Variants in SYTL2 observed in about 807,000 individuals in gnomAD.
SYTL2 encodes the protein synaptotagmin like 2.
SYTL2 carries 165 observed loss-of-function variants against 198.7 expected under a neutral mutation model. That is an observed-to-expected ratio of 0.83 (90% CI 0.73 to 0.94). The LOEUF is 0.94. Among genes scored for constraint, SYTL2 ranks in the 40% least tolerant of loss-of-function variants. SYTL2 has a pLI of 0.00. For synonymous variants in SYTL2, 966 were observed against 917.7 expected (o/e 1.05, Z -0.95); for missense variants, 2,835 against 2,582.8 (o/e 1.10, Z -2.12).
chr11:85,807,968 T>G lies in SYTL2; in HGVS notation c.-390+2986A>C, dbSNP rs141731512. ...AAAAGGGCTGTATTTGTGTGTGTGT[T>G]TTTAAAATTTGTTAATATAGATGCA... On this transcript the variant is annotated intron_variant, in intron 1 of 19. Coordinates refer to ENST00000359152, the MANE Select transcript of SYTL2 (RefSeq NM_206927.4). Among the ~76,000 whole-genome samples the G allele has an allele frequency of 9.7e-4, 147 of 152,314 alleles. 3 individuals are homozygous for G. The East Asian group carries it at 0.021, about 21-fold the overall frequency.
intron 1 of SYTL2, among the ~76,000 whole-genome samples, chr11:85,760,623 G>A (rs929071200): frequency 3.9e-5 from 6 of 152,104 alleles, no homozygotes; most frequent in Non-Finnish European, 7.3e-5. Flanking sequence ...TGGTTGGTTC[G>A]ATGTGAGACT....
chr11:85,712,866 G>A (rs1182614989), intron 12 of SYTL2, among the ~76,000 whole-genome samples: 1 of 152,040 alleles, frequency 6.6e-6, no homozygotes, highest in Non-Finnish European at 1.5e-5. Flanking sequence ...ATAGACATGA[G>A]CCACCATGCC....
chr11:85,779,603 T>A (rs1352030721), intron 1 of SYTL2, among the ~76,000 whole-genome samples: 4 of 151,346 alleles, frequency 2.6e-5, no homozygotes, highest in South Asian at 2.1e-4. Context: ...TTTCAAAAGC[T>A]ATAAACATAT....
chr11:85,833,923 G>C, the SYTL2 span, among the ~76,000 whole-genome samples: 3 of 151,962 alleles, frequency 2.0e-5, no homozygotes, highest in East Asian at 3.9e-4. Flanking sequence ...ATTTTTAGTA[G>C]AGACGGGGTT....
the SYTL2 span, among the ~76,000 whole-genome samples, chr11:85,848,772 T>A: frequency 5.3e-5 from 8 of 152,238 alleles, no homozygotes; most frequent in Admixed American, 2.0e-4. Context: ...AATCATATAG[T>A]CCAGGTTCCT....
At chr11:85,797,936 C>G (rs1331747065) in intron 1 of SYTL2, among the ~76,000 whole-genome samples, 2 of 152,044 alleles carry the variant, frequency 1.3e-5, no homozygotes, top group Non-Finnish European at 2.9e-5. Flanking sequence ...TCACTGCAAC[C>G]TTTACCTCCC....
the SYTL2 span, among the ~76,000 whole-genome samples, chr11:85,827,310 T>C: frequency 6.6e-6 from 1 of 152,172 alleles, no homozygotes; most frequent in Non-Finnish European, 1.5e-5. Context: ...TGGGAAGCAC[T>C]GCTCTGCACC....
At chr11:85,752,594 G>C (rs2091577957) in intron 2 of SYTL2, among the ~76,000 whole-genome samples, 1 of 152,046 alleles carries the variant, frequency 6.6e-6, no homozygotes, top group South Asian at 2.1e-4. Context: ...CCTTAGAGTA[G>C]AAAACAAGAA....
chr11:85,850,296 T>C, the SYTL2 span, among the ~76,000 whole-genome samples: 1 of 151,974 alleles, frequency 6.6e-6, no homozygotes, highest in East Asian at 1.9e-4. Context: ...TCCTGCCTAA[T>C]TGCCCTGGCC....
At chr11:85,762,042 G>C (rs1265063591) in intron 1 of SYTL2, among the ~76,000 whole-genome samples, 1 of 152,198 alleles carries the variant, frequency 6.6e-6, no homozygotes, top group Non-Finnish European at 1.5e-5. Flanking sequence ...ATGTCTGACT[G>C]GCATTTGCTG....
At chr11:85,791,973 A>T (rs2092737024) in intron 1 of SYTL2, among the ~76,000 whole-genome samples, 1 of 152,144 alleles carries the variant, frequency 6.6e-6, no homozygotes, top group Admixed American at 6.5e-5. Flanking sequence ...TGATGAGCTG[A>T]CCATCTAGCT....
intron 2 of SYTL2, among the ~76,000 whole-genome samples, chr11:85,750,575 C>T (rs1234400101): frequency 6.6e-6 from 1 of 152,204 alleles, no homozygotes; most frequent in Non-Finnish European, 1.5e-5. Flanking sequence ...GTGGTCTTTG[C>T]AAACTCCTTG....
At chr11:85,849,608 G>T in the SYTL2 span, among the ~76,000 whole-genome samples, 26,344 of 149,538 alleles carry the variant, frequency 0.18, 2,491 homozygotes, top group African/African-American at 0.21. Flanking sequence ...GATATGCGGC[G>T]TTATTTCTGA....
intron 1 of SYTL2, among the ~76,000 whole-genome samples, chr11:85,790,188 G>A (rs1423919407): frequency 6.6e-6 from 1 of 151,974 alleles, no homozygotes. Flanking sequence ...TGCCAGGTGT[G>A]GAATTTTCCA....
intron 2 of SYTL2, 99 bp from the exon 3 acceptor site, chr11:85,748,522 A>G (rs2091313486): frequency 7.8e-7 from 1 of 1,283,020 alleles, no homozygotes; most frequent in Non-Finnish European, 1.1e-6. Flanking sequence ...CACAGATAAA[A>G]TGAAGCTTTA....
At chr11:85,752,952 C>CAAAAAAA (rs890345075) in intron 2 of SYTL2, among the ~76,000 whole-genome samples, 1 of 37,576 alleles carries the variant, frequency 2.7e-5, no homozygotes, top group African/African-American at 8.4e-5. Flanking sequence ...AAAAAAAAAA[C>CAAAAAAA]ACAACTAGGT....
intron 8 of SYTL2, among the ~76,000 whole-genome samples, chr11:85,722,971 C>T (rs186983556): frequency 2.6e-5 from 4 of 152,162 alleles, no homozygotes; most frequent in African/African-American, 7.2e-5. Flanking sequence ...TTCACTGGAA[C>T]GAAAAGGAGC....
At chr11:85,714,978 C>G (rs1247442162) in intron 11 of SYTL2, 3 of 153,082 alleles carry the variant, frequency 2.0e-5, no homozygotes, top group Non-Finnish European at 2.9e-5. Flanking sequence ...TGTTGAGTGT[C>G]TTAGAGTAGG....
the SYTL2 span, among the ~76,000 whole-genome samples, chr11:85,839,341 C>A: frequency 5.9e-5 from 9 of 152,058 alleles, no homozygotes; most frequent in East Asian, 1.9e-4. Flanking sequence ...TTCACCCTTT[C>A]GTAACAGATC....
Sources: allele counts gnomAD v4.1 joint callset (sites outside exome capture counted in the v4.1 genomes callset), GRCh38; gene constraint gnomAD v4.1.1; transcripts MANE v1.5; gene names NCBI Gene and HGNC (gene_info 2026-07-23, HGNC 2026-07-21).